OLFM2: variants seen among roughly 807,000 people sequenced by gnomAD.
OLFM2 encodes the protein noelin-2.
Under a neutral mutation model 43.9 loss-of-function variants are expected in OLFM2, and 20 were observed. The ratio of observed to expected loss-of-function variants is 0.46; its 90% CI spans 0.32 to 0.66. OLFM2 has a LOEUF of 0.66. OLFM2 is among the 30% of genes least tolerant of loss of function. OLFM2 has a pLI of 0.04. For missense variants in OLFM2, 416 were observed against 643.6 expected (o/e 0.65, Z 3.83); for synonymous variants, 268 against 278.6 (o/e 0.96, Z 0.38).
intron 5 of OLFM2, among the ~76,000 whole-genome samples, chr19:9,855,706 T>A (rs2046311524): frequency 6.6e-6 from 1 of 152,058 alleles, no homozygotes; most frequent in Admixed American, 6.6e-5. Context: ...AGCTTATTTA[T>A]TGTATCTTTA....
chr19:9,860,097 G>A (rs995106506), intron 2 of OLFM2, among the ~76,000 whole-genome samples: 12 of 151,590 alleles, frequency 7.9e-5, no homozygotes, highest in African/African-American at 2.7e-4. Flanking sequence ...AGCTGAGATC[G>A]CGCCACTGCA....
intron 1 of OLFM2, among the ~76,000 whole-genome samples, chr19:9,928,560 T>C (rs1432920422): frequency 6.6e-6 from 1 of 151,972 alleles, no homozygotes; most frequent in African/African-American, 2.4e-5. Flanking sequence ...ATCCCAGCAC[T>C]GAGGGAGGCC....
At chr19:9,855,276 T>A (rs904812092) in intron 5 of OLFM2, among the ~76,000 whole-genome samples, 3 of 150,824 alleles carry the variant, frequency 2.0e-5, no homozygotes, top group Admixed American at 2.0e-4. Flanking sequence ...AGTCCCTCTC[T>A]GTTGCCCAGG....
At chr19:9,867,004 G>A (rs1372416820) in intron 1 of OLFM2, among the ~76,000 whole-genome samples, 1 of 152,150 alleles carries the variant, frequency 6.6e-6, no homozygotes, top group Admixed American at 6.5e-5. Context: ...ACACAGGCAG[G>A]GAAAGCTGTT....
intron 1 of OLFM2, among the ~76,000 whole-genome samples, chr19:9,862,447 G>A (rs1287478324): frequency 5.9e-5 from 9 of 151,762 alleles, no homozygotes; most frequent in South Asian, 2.1e-4. Flanking sequence ...TGAAGGGGGC[G>A]GATCACTGAA....
intron 1 of OLFM2, among the ~76,000 whole-genome samples, chr19:9,906,818 G>C (rs1439959377): frequency 6.6e-6 from 1 of 152,136 alleles, no homozygotes; most frequent in African/African-American, 2.4e-5. Context: ...GCAGGCAGCA[G>C]TAACAATCAG....
At chr19:9,913,558 G>T in intron 1 of OLFM2, 1 of 1,255,328 alleles carries the variant, frequency 8.0e-7, no homozygotes. Flanking sequence ...GCGACATCCA[G>T]TTGGTGACCA....
chr19:9,875,716 C>T (rs969908011), intron 1 of OLFM2, among the ~76,000 whole-genome samples: 18 of 151,248 alleles, frequency 1.2e-4, no homozygotes, highest in African/African-American at 2.7e-4. Flanking sequence ...GACAGGGTAT[C>T]GCCCTGTCTC....
At chr19:9,867,928 G>GTCTTGC (rs1568369906) in intron 1 of OLFM2, among the ~76,000 whole-genome samples, 1 of 151,974 alleles carries the variant, frequency 6.6e-6, no homozygotes, top group Non-Finnish European at 1.5e-5. Flanking sequence ...TGGAGACAGG[G>GTCTTGC]TCTTGCTCTG....
At chr19:9,859,596 G>A (rs1173514131) in intron 2 of OLFM2, among the ~76,000 whole-genome samples, 1 of 152,120 alleles carries the variant, frequency 6.6e-6, no homozygotes, top group African/African-American at 2.4e-5. Flanking sequence ...CCCGGCCCAG[G>A]GGACTATTTT....
rs1393896590 is a variant in OLFM2 at position 9,860,669 on chromosome 19, C to T, written c.189G>A (p.Arg63=). ...CCTTCTCCATCAGTTGCCGCAGCTC[C>T]CGACTCCTGCCATCTCGAGAGCAGG... ...QSTCSRDGRS[R]ELRQLMEKVQ... The change falls in exon 2 of 6, where the codon CGG becomes CGA. Residue 63 remains arginine, a synonymous_variant. Transcript: ENST00000264833. 6.3e-7 allele frequency: 1 copy of T among 1,593,484 alleles called. No individual in the cohort carries two copies. The highest frequency in any genetic ancestry group is 8.6e-7 in the Non-Finnish European group (1 of 1,169,524).
intron 1 of OLFM2, among the ~76,000 whole-genome samples, chr19:9,919,720 G>A (rs914071633): frequency 8.3e-5 from 12 of 144,490 alleles, no homozygotes; most frequent in African/African-American, 3.1e-4. Flanking sequence ...GACCTCAGGT[G>A]ATCCTCCTGC....
At chr19:9,866,123 C>T (rs138230511) in intron 1 of OLFM2, among the ~76,000 whole-genome samples, 238 of 152,302 alleles carry the variant, frequency 1.6e-3, no homozygotes, top group African/African-American at 5.2e-3. Flanking sequence ...GCGTTGGACG[C>T]ATCTCACCGG....
chr19:9,928,108 G>A (rs1334566470), intron 1 of OLFM2, among the ~76,000 whole-genome samples: 1 of 152,034 alleles, frequency 6.6e-6, no homozygotes, highest in Admixed American at 6.6e-5. Context: ...CTATTTGAGA[G>A]GCTAAGGTAG....
intron 1 of OLFM2, among the ~76,000 whole-genome samples, chr19:9,902,043 T>TATATA (rs2046744781): frequency 6.6e-6 from 1 of 152,060 alleles, no homozygotes; most frequent in African/African-American, 2.4e-5. Context: ...TATATATATA[T>TATATA]TTCGAGATGG....
chr19:9,913,693 C>T, intron 1 of OLFM2: 5 of 1,078,422 alleles, frequency 4.6e-6, no homozygotes, highest in South Asian at 3.4e-5. Flanking sequence ...CTCGGTCCCT[C>T]GACACCCAGG....
intron 1 of OLFM2, among the ~76,000 whole-genome samples, chr19:9,862,703 G>T (rs118049497): frequency 1.3e-5 from 2 of 151,822 alleles, no homozygotes; most frequent in African/African-American, 4.8e-5. Flanking sequence ...GGCCAGACGC[G>T]GTGGCTCACA....
At chr19:9,884,762 G>A (rs992012599) in intron 1 of OLFM2, among the ~76,000 whole-genome samples, 1 of 152,076 alleles carries the variant, frequency 6.6e-6, no homozygotes, top group African/African-American at 2.4e-5. Flanking sequence ...TCCTTGCATG[G>A]TGGGTGTCTG....
At chr19:9,905,908 C>T (rs1181260742) in intron 1 of OLFM2, among the ~76,000 whole-genome samples, 1 of 152,228 alleles carries the variant, frequency 6.6e-6, no homozygotes, top group Non-Finnish European at 1.5e-5. Flanking sequence ...CGCACCTCAA[C>T]AGTCAGGCAT....
Sources: gnomAD v4.1 joint callset for allele counts (sites outside exome capture counted in the v4.1 genomes callset) on GRCh38, gnomAD v4.1.1 for gene constraint, MANE v1.5 for transcripts, NCBI Gene and HGNC (gene_info 2026-07-23, HGNC 2026-07-21) for gene names.